The following CDH4 variants were observed in gnomAD, a reference collection of about 807,000 sequenced individuals.
CDH4 encodes the protein cadherin-4.
In CDH4, 33 loss-of-function variants were observed where a neutral mutation model predicts 86.0. That is an observed-to-expected ratio of 0.38 (90% CI 0.29 to 0.51). CDH4 has a LOEUF of 0.51. CDH4 is among the 20% of genes least tolerant of loss of function. CDH4 has a pLI of 0.86. For synonymous variants in CDH4, 555 were observed against 549.4 expected, an observed-to-expected ratio of 1.01 and a Z score of -0.14; for missense variants, 1,114 against 1,307.4, an observed-to-expected ratio of 0.85 and a Z score of 2.28.
chr20:61,392,415 G>A lies in CDH4; in HGVS notation c.169+137478G>A, dbSNP rs1490224932. 6.6e-6 allele frequency among the ~76,000 whole-genome samples: 1 copy of A among 152,074 alleles called. No individual in the cohort carries two copies. Among genetic ancestry groups the A allele is most frequent in the Non-Finnish European group, 1.5e-5 (1 of 68,014 alleles). On this transcript the variant is annotated intron_variant, in intron 2 of 15. Coordinates refer to ENST00000614565, the MANE Select transcript of CDH4 (RefSeq NM_001794.5). This position sits in a 1 kb window ranked among gnomAD's most constrained non-coding sequence, Gnocchi z 5.7. The stretch of plus-strand genomic sequence containing the variant: ...ACCGGGATGGAACGCACGGCGCCCC[G>A]ACGTGATTTTCCAGAGAACTGAGTT...
chr20:61,872,124 G>T (rs1321325610), intron 6 of CDH4, among the ~76,000 whole-genome samples: 1 of 152,236 alleles, frequency 6.6e-6, no homozygotes, highest in Admixed American at 6.5e-5. Context: ...TGCCTCCTGA[G>T]CATGAGGCCG....
intron 2 of CDH4, among the ~76,000 whole-genome samples, chr20:61,553,512 G>T (rs576346955): frequency 6.6e-6 from 1 of 152,228 alleles, no homozygotes; most frequent in African/African-American, 2.4e-5. Context: ...AGATAAAGAC[G>T]TGTGAACATC....
chr20:61,727,241 C>T (rs895986722), intron 2 of CDH4, among the ~76,000 whole-genome samples: 1 of 151,620 alleles, frequency 6.6e-6, no homozygotes, highest in Non-Finnish European at 1.5e-5. Flanking sequence ...GAAGCCATCA[C>T]CATCAGTGCC....
intron 3 of CDH4, among the ~76,000 whole-genome samples, chr20:61,763,819 C>A (rs2088667330): frequency 1.3e-5 from 2 of 152,208 alleles, no homozygotes; most frequent in South Asian, 4.1e-4. Context: ...CGGCTCCTAA[C>A]AGATGCGTGG....
At chr20:61,833,583 A>G (rs1455319768) in intron 4 of CDH4, among the ~76,000 whole-genome samples, 5 of 150,484 alleles carry the variant, frequency 3.3e-5, no homozygotes, top group African/African-American at 4.8e-5. Flanking sequence ...TCATTTATTG[A>G]CAAAGCTCAG....
chr20:61,339,282 T>G (rs148532322), intron 2 of CDH4, among the ~76,000 whole-genome samples: 551 of 152,310 alleles, frequency 3.6e-3, no homozygotes, highest in Non-Finnish European at 5.7e-3. Context: ...AGGAAGGGAC[T>G]GGGATGGAAG....
chr20:61,901,207 CAGGAGCAGG>C (rs1345966606), intron 8 of CDH4, among the ~76,000 whole-genome samples: 2 of 89,150 alleles, frequency 2.2e-5, no homozygotes, highest in African/African-American at 7.0e-5. Flanking sequence ...TGAGCAGGAG[CAGGAGCAGG>C]AGGAGTAGGG....
chr20:61,357,834 T>G (rs1205516659), intron 2 of CDH4, among the ~76,000 whole-genome samples: 3 of 152,232 alleles, frequency 2.0e-5, no homozygotes, highest in Non-Finnish European at 4.4e-5. Context: ...GCAAGTGATC[T>G]CTGGCCTTGA....
At chr20:61,565,085 G>A (rs1173756945) in intron 2 of CDH4, among the ~76,000 whole-genome samples, 1 of 126,740 alleles carries the variant, frequency 7.9e-6, no homozygotes, top group Non-Finnish European at 1.7e-5. Context: ...TGGTGGTGGT[G>A]GTGCTCTTGG....
At chr20:61,908,333 C>A (rs1231852628) in intron 8 of CDH4, among the ~76,000 whole-genome samples, 1 of 152,196 alleles carries the variant, frequency 6.6e-6, no homozygotes, top group Admixed American at 6.5e-5. Flanking sequence ...TTCCTTCATT[C>A]ATTGATTGGG....
chr20:61,787,106 C>G (rs1978922318), intron 4 of CDH4, among the ~76,000 whole-genome samples: 1 of 74,876 alleles, frequency 1.3e-5, no homozygotes, highest in African/African-American at 3.2e-5. Context: ...CATCATCCAT[C>G]CATCCATCCA....
intron 2 of CDH4, among the ~76,000 whole-genome samples, chr20:61,683,191 G>C (rs547642331): frequency 6.6e-6 from 1 of 152,226 alleles, no homozygotes; most frequent in Admixed American, 6.5e-5. Flanking sequence ...AGAAGTGCAC[G>C]CAGCTGTACT....
At chr20:61,755,424 G>T (rs1261273021) in intron 3 of CDH4, among the ~76,000 whole-genome samples, 1 of 128,004 alleles carries the variant, frequency 7.8e-6, no homozygotes, top group Non-Finnish European at 1.6e-5. Context: ...TACACACAGT[G>T]CACGTCACAC....
intron 2 of CDH4, among the ~76,000 whole-genome samples, chr20:61,277,899 G>C (rs2084239152): frequency 1.3e-5 from 2 of 152,244 alleles, no homozygotes; most frequent in African/African-American, 2.4e-5. Flanking sequence ...GGCTTTTCCA[G>C]CTCTGGTTCC....
chr20:61,378,293 C>T (rs2084882972), intron 2 of CDH4, among the ~76,000 whole-genome samples: 1 of 152,152 alleles, frequency 6.6e-6, no homozygotes, highest in Non-Finnish European at 1.5e-5. Flanking sequence ...GTTTTCTTCC[C>T]TTTAAAACTT....
intron 4 of CDH4, among the ~76,000 whole-genome samples, chr20:61,842,182 C>A (rs1055795187): frequency 1.3e-5 from 2 of 152,188 alleles, no homozygotes; most frequent in Non-Finnish European, 2.9e-5. Context: ...AGATGAGGTG[C>A]CTGGCGAGAA....
intron 2 of CDH4, among the ~76,000 whole-genome samples, chr20:61,694,248 G>A (rs1190842894): frequency 6.6e-6 from 1 of 152,100 alleles, no homozygotes; most frequent in East Asian, 1.9e-4. Context: ...AGGTAGAGTG[G>A]GAAGGAGGAA....
chr20:61,775,337 T>G (rs2145989788), intron 4 of CDH4, among the ~76,000 whole-genome samples: 1 of 151,866 alleles, frequency 6.6e-6, no homozygotes, highest in South Asian at 2.1e-4. Flanking sequence ...GGGAGCGGGC[T>G]TCCATCATGC....
intron 2 of CDH4, among the ~76,000 whole-genome samples, chr20:61,338,387 A>C (rs1489405182): frequency 2.0e-5 from 3 of 152,180 alleles, no homozygotes; most frequent in Admixed American, 6.5e-5. Context: ...GCAACAATTG[A>C]GTAGTTGTAC....
Sources: gnomAD v4.1 joint callset for allele counts (sites outside exome capture counted in the v4.1 genomes callset) on GRCh38, gnomAD v4.1.1 for gene constraint, Gnocchi (gnomAD v3.1) non-coding constraint, MANE v1.5 for transcripts, NCBI Gene and HGNC (gene_info 2026-07-23, HGNC 2026-07-21) for gene names.